The following CDH9 variants were observed in gnomAD, a reference collection of about 807,000 sequenced individuals.
CDH9 encodes the protein cadherin-9.
In CDH9, 28 loss-of-function variants were observed where a neutral mutation model predicts 70.9. The observed-to-expected ratio is 0.40, with a 90% CI of 0.29 to 0.54. The LOEUF is 0.54. Ranked by LOEUF, CDH9 falls within the 20% of genes least tolerant of loss-of-function variation. The probability of loss-of-function intolerance (pLI) is 0.59; values close to 1 mark genes in which losing one functional copy is unlikely to be tolerated. For synonymous variants in CDH9, 409 were observed against 343.1 expected (o/e 1.19, Z -2.12); for missense variants, 874 against 984.4 (o/e 0.89, Z 1.50).
At chr5:26,985,156 C>A (rs550337775) in intron 2 of CDH9, among the ~76,000 whole-genome samples, 2 of 152,238 alleles carry the variant, frequency 1.3e-5, no homozygotes, top group East Asian at 3.9e-4. Flanking sequence ...GAAGGTCTAA[C>A]TTTATCCTAT....
intron 1 of CDH9, among the ~76,000 whole-genome samples, chr5:27,030,059 C>T (rs1400630772): frequency 6.6e-6 from 1 of 152,156 alleles, no homozygotes; most frequent in East Asian, 1.9e-4. Flanking sequence ...TTTCAAGCCT[C>T]AGTTTTTCTT....
chr5:26,978,343 A>T (rs922502829), intron 2 of CDH9, among the ~76,000 whole-genome samples: 16 of 151,930 alleles, frequency 1.1e-4, no homozygotes, highest in African/African-American at 3.1e-4. Context: ...TAAAAATTCT[A>T]ACAGATAATA....
intron 1 of CDH9, among the ~76,000 whole-genome samples, chr5:27,020,360 G>A (rs1455062012): frequency 6.6e-6 from 1 of 150,804 alleles, no homozygotes; most frequent in African/African-American, 2.4e-5. Context: ...CTTTTTTTCT[G>A]GAAACCAACA....
At chr5:26,952,116 A>G (rs1018093328) in intron 2 of CDH9, among the ~76,000 whole-genome samples, 8 of 150,974 alleles carry the variant, frequency 5.3e-5, no homozygotes, top group African/African-American at 1.9e-4. Flanking sequence ...GGTGCCTGTC[A>G]CCACACCTGG....
chr5:26,881,601 T>C lies in CDH9; in HGVS notation c.1905A>G (p.Ala635=), dbSNP rs992788252. Residue 635 remains alanine (A), a synonymous_variant, in exon 12 of 12, where the codon GCA becomes GCG. Coordinates refer to ENST00000231021, the MANE Select transcript of CDH9 (RefSeq NM_016279.4). ...ILLILVVLFA[A]LKRQRKKEPL... Reference sequence around the variant, plus strand: ...GTTCCTTTTTTCTTTGCCTCTTCAATGCAGCAAACAACACGACTAAAACTA... The same window carrying C: ...GTTCCTTTTTTCTTTGCCTCTTCAACGCAGCAAACAACACGACTAAAACTA... 5 of 1,610,404 alleles carry C rather than the reference T, an allele frequency of 3.1e-6. No individual in the cohort carries two copies. Among genetic ancestry groups the C allele is most frequent in the African/African-American group, 2.7e-5 (2 of 74,546 alleles).
intron 1 of CDH9, among the ~76,000 whole-genome samples, chr5:26,988,662 C>G (rs1742529881): frequency 6.6e-6 from 1 of 151,862 alleles, no homozygotes; most frequent in African/African-American, 2.4e-5. Flanking sequence ...ATTTAAAACA[C>G]TAAATATTTT....
chr5:26,941,769 C>T (rs34310293), intron 2 of CDH9, among the ~76,000 whole-genome samples: 9,599 of 152,286 alleles, frequency 0.063, 366 homozygotes, highest in Middle Eastern at 0.16. Context: ...TACTGTCCCA[C>T]ACTTGCTGTT....
chr5:27,027,043 G>A (rs16896465), intron 1 of CDH9, among the ~76,000 whole-genome samples: 3,519 of 151,850 alleles, frequency 0.023, 151 homozygotes, highest in African/African-American at 0.081. Flanking sequence ...CAAATACTTG[G>A]CATTAAAATA....
At chr5:27,007,774 A>G (rs1027288627) in intron 1 of CDH9, among the ~76,000 whole-genome samples, 2 of 152,170 alleles carry the variant, frequency 1.3e-5, no homozygotes, top group Non-Finnish European at 2.9e-5. Context: ...AGTAATACAC[A>G]TACAAGGTAT....
chr5:27,001,467 A>G (rs1742766559), intron 1 of CDH9, among the ~76,000 whole-genome samples: 1 of 152,162 alleles, frequency 6.6e-6, no homozygotes, highest in South Asian at 2.1e-4. Context: ...GTGGGAATTT[A>G]CAGATAACCA....
At chr5:27,003,103 T>C (rs1398743403) in intron 1 of CDH9, among the ~76,000 whole-genome samples, 5 of 152,010 alleles carry the variant, frequency 3.3e-5, no homozygotes, top group Non-Finnish European at 7.4e-5. Context: ...TTCTTATGAG[T>C]TGAGCATTTC....
chr5:26,908,538 A>G (rs1740988973), intron 3 of CDH9, among the ~76,000 whole-genome samples: 1 of 152,142 alleles, frequency 6.6e-6, no homozygotes, highest in African/African-American at 2.4e-5. Context: ...TTTAACATGA[A>G]CATTATTGTA....
At chr5:26,885,532 A>G in intron 11 of CDH9, 82 bp downstream of exon 11, 2 of 1,089,532 alleles carry the variant, frequency 1.8e-6, no homozygotes, top group Non-Finnish European at 2.7e-6. Flanking sequence ...TATAGAGAAA[A>G]TTGTTATTCA....
chr5:27,009,847 C>G (rs971579003), intron 1 of CDH9, among the ~76,000 whole-genome samples: 2 of 152,046 alleles, frequency 1.3e-5, no homozygotes, highest in African/African-American at 2.4e-5. Context: ...TTTAAGCATA[C>G]TTCTTAGAAT....
At chr5:26,895,877 A>G (rs1295189408) in intron 7 of CDH9, among the ~76,000 whole-genome samples, 2 of 152,066 alleles carry the variant, frequency 1.3e-5, no homozygotes, top group Admixed American at 1.3e-4. Flanking sequence ...CAAACAAAAC[A>G]GTCCCATGCT....
intron 2 of CDH9, among the ~76,000 whole-genome samples, chr5:26,952,634 C>CAAAAAAAAAAAAAAAAA (rs35876875): frequency 3.5e-5 from 2 of 57,830 alleles, no homozygotes; most frequent in African/African-American, 1.3e-4. Context: ...GACTCCGTCT[C>CAAAAAAAAAAAAAAAAA]AAAAAAAAAA....
intron 1 of CDH9, among the ~76,000 whole-genome samples, chr5:27,025,894 G>T (rs913950153): frequency 3.3e-5 from 5 of 151,900 alleles, no homozygotes; most frequent in Non-Finnish European, 7.4e-5. Flanking sequence ...TAAAGATGCA[G>T]AAGTTGACAG....
At chr5:26,952,378 G>A (rs1435651374) in intron 2 of CDH9, among the ~76,000 whole-genome samples, 3 of 142,480 alleles carry the variant, frequency 2.1e-5, no homozygotes, top group African/African-American at 5.2e-5. Flanking sequence ...ACTTTGGGAG[G>A]CCGAGGCGGG....
chr5:26,966,034 A>G (rs1742123861), intron 2 of CDH9, among the ~76,000 whole-genome samples: 1 of 152,114 alleles, frequency 6.6e-6, no homozygotes, highest in East Asian at 1.9e-4. Flanking sequence ...TAATCAACCT[A>G]AGCTCCCTTT....
Sources: allele counts gnomAD v4.1 joint callset (sites outside exome capture counted in the v4.1 genomes callset), GRCh38; gene constraint gnomAD v4.1.1; transcripts MANE v1.5; gene names NCBI Gene and HGNC (gene_info 2026-07-23, HGNC 2026-07-21).